PEBP4: variants seen among roughly 807,000 people sequenced by gnomAD.
PEBP4 encodes phosphatidylethanolamine-binding protein 4.
In PEBP4, 22 loss-of-function variants were observed where a neutral mutation model predicts 23.9. That is an observed-to-expected ratio of 0.92 (90% CI 0.66 to 1.31). PEBP4 has a LOEUF of 1.31. Among genes scored for constraint, PEBP4 ranks in the 40% most tolerant of loss-of-function variants. The pLI, the probability that PEBP4 is intolerant of heterozygous loss-of-function variation, is 0.00. For missense variants in PEBP4, 324 were observed against 281.7 expected (o/e 1.15, Z -1.07); for synonymous variants, 112 against 99.3 (o/e 1.13, Z -0.76).
At chr8:22,903,370 C>T (rs1350658705) in intron 3 of PEBP4, among the ~76,000 whole-genome samples, 1 of 152,156 alleles carries the variant, frequency 6.6e-6, no homozygotes, top group East Asian at 1.9e-4. Context: ...TTCTAAAGCA[C>T]TTAGAACAGT....
chr8:22,822,357 G>GTGTGTGTGTGTGTGTGTGTGTGTA (rs1348290100), intron 3 of PEBP4, among the ~76,000 whole-genome samples: 2 of 147,842 alleles, frequency 1.4e-5, no homozygotes, highest in African/African-American at 5.2e-5. Context: ...ATACTAAAGT[G>GTGTGTGTGTGTGTGTGTGTGTGTA]TGTGTGTGTG....
chr8:22,751,526 G>A (rs942721069), intron 4 of PEBP4, among the ~76,000 whole-genome samples: 1 of 151,866 alleles, frequency 6.6e-6, no homozygotes. Flanking sequence ...AGATAGAGAG[G>A]CCCCAAATCA....
chr8:22,758,904 G>A (rs1280763885), intron 4 of PEBP4, among the ~76,000 whole-genome samples: 2 of 152,128 alleles, frequency 1.3e-5, no homozygotes, highest in African/African-American at 2.4e-5. Context: ...ATGACAGAAA[G>A]AGGAGTGAAG....
chr8:22,766,663 C>T (rs181087410), intron 4 of PEBP4, among the ~76,000 whole-genome samples: 48 of 152,282 alleles, frequency 3.2e-4, no homozygotes, highest in Admixed American at 1.2e-3. Context: ...GGCATGCTGG[C>T]GTATCAGGGG....
chr8:22,911,351 A>AGCT (rs753748613), intron 3 of PEBP4, among the ~76,000 whole-genome samples: 45 of 152,048 alleles, frequency 3.0e-4, no homozygotes, highest in Non-Finnish European at 5.9e-4. Context: ...AGCCCCCAGC[A>AGCT]GCTGCTGCAG....
At chr8:22,774,886 C>G (rs1402641557) in intron 4 of PEBP4, among the ~76,000 whole-genome samples, 1 of 152,164 alleles carries the variant, frequency 6.6e-6, no homozygotes, top group Non-Finnish European at 1.5e-5. Context: ...TCTTCTCGGT[C>G]TGTTTCATCC....
At chr8:22,765,501 G>A (rs1224501625) in intron 4 of PEBP4, among the ~76,000 whole-genome samples, 1 of 152,126 alleles carries the variant, frequency 6.6e-6, no homozygotes, top group East Asian at 1.9e-4. Context: ...TCCCTCATGA[G>A]CCCATGCCTG....
chr8:22,819,136 GCAGACA>G (rs1182752950), intron 3 of PEBP4, among the ~76,000 whole-genome samples: 1 of 151,806 alleles, frequency 6.6e-6, no homozygotes, highest in Non-Finnish European at 1.5e-5. Flanking sequence ...AATCAGTAGA[GCAGACA>G]CAGAGAAGAA....
chr8:22,896,685 G>A (rs1808596055), intron 3 of PEBP4, among the ~76,000 whole-genome samples: 1 of 152,120 alleles, frequency 6.6e-6, no homozygotes, highest in African/African-American at 2.4e-5. Flanking sequence ...TCAGCCCTTG[G>A]TAGAAACAGC....
chr8:22,898,391 C>CAAAAAAAAAAAAAAAAAA (rs536993520), intron 3 of PEBP4, among the ~76,000 whole-genome samples: 3 of 7,972 alleles, frequency 3.8e-4, no homozygotes, highest in Admixed American at 1.5e-3. Flanking sequence ...GACTCCACCC[C>CAAAAAAAAAAAAAAAAAA]AAAAAAAAAA....
chr8:22,792,418 C>T (rs755171945), intron 4 of PEBP4, among the ~76,000 whole-genome samples: 3 of 152,028 alleles, frequency 2.0e-5, no homozygotes, highest in Non-Finnish European at 2.9e-5. Flanking sequence ...TTGGTGGGCC[C>T]CCTGCTTTGT....
At chr8:22,911,003 G>A (rs140528279) in intron 3 of PEBP4, among the ~76,000 whole-genome samples, 3 of 152,092 alleles carry the variant, frequency 2.0e-5, no homozygotes, top group Non-Finnish European at 2.9e-5. Flanking sequence ...CCGCTCTGGT[G>A]GGGGGAGCTG....
At chr8:22,888,156 T>G (rs1408424562) in intron 3 of PEBP4, 7 of 43,202 alleles carry the variant, frequency 1.6e-4, no homozygotes, top group Non-Finnish European at 1.2e-4. Context: ...CACCCACTTC[T>G]TTTTTTTTTT....
At position 22,836,009 on chromosome 8, in the gene PEBP4, C is replaced by T. The variant is rs184383397; in HGVS notation, c.259-18274G>A. Reference sequence around the variant, plus strand: ...ATGCAGGGAAAATCATCTAAACAGACATTATTATTCTGAGTCTATAAATGG... The same window carrying T: ...ATGCAGGGAAAATCATCTAAACAGATATTATTATTCTGAGTCTATAAATGG... On this transcript the variant is annotated intron_variant, in intron 3 of 6. Transcript: ENST00000256404. Among the ~76,000 whole-genome samples the T allele has an allele frequency of 2.6e-4, 39 of 152,326 alleles. 1 individual carries two copies. In the East Asian group the frequency reaches 5.2e-3, roughly 20 times the overall value.
intron 4 of PEBP4, among the ~76,000 whole-genome samples, chr8:22,777,663 G>C (rs1381877192): frequency 6.6e-6 from 1 of 152,162 alleles, no homozygotes; most frequent in Non-Finnish European, 1.5e-5. Context: ...CCAGAGCCGG[G>C]GGTGGTGGCT....
chr8:22,908,710 T>C (rs773282096), intron 3 of PEBP4, among the ~76,000 whole-genome samples: 2 of 152,192 alleles, frequency 1.3e-5, no homozygotes, highest in Admixed American at 6.5e-5. Context: ...ACAATTCATG[T>C]TCCTGCTAGG....
intron 4 of PEBP4, among the ~76,000 whole-genome samples, chr8:22,796,211 T>C (rs899492889): frequency 3.9e-5 from 6 of 152,168 alleles, no homozygotes; most frequent in African/African-American, 1.4e-4. Context: ...TATCAGACTC[T>C]TGAACCTATA....
chr8:22,752,754 A>G (rs990315463), intron 4 of PEBP4, among the ~76,000 whole-genome samples: 1 of 152,198 alleles, frequency 6.6e-6, no homozygotes, highest in Non-Finnish European at 1.5e-5. Flanking sequence ...TATTCTGGAG[A>G]GGCAGGATTC....
chr8:22,724,878 A>G lies in PEBP4; in HGVS notation c.482T>C (p.Val161Ala). ...QFFVYLQEGKVISLLPKENKT... is the reference protein window; with the variant it reads ...QFFVYLQEGKAISLLPKENKT... Reference sequence around the variant, plus strand: ...GTTTTCCTTGGGAAGGAGAGAGATGACTTTTCCTTCCTGAAGATAGACAAA... The same window carrying G: ...GTTTTCCTTGGGAAGGAGAGAGATGGCTTTTCCTTCCTGAAGATAGACAAA... The change falls in exon 6 of 7, where the codon GTC (valine) becomes GCC (alanine). Residue 161 changes from valine to alanine, a missense_variant. Coordinates refer to ENST00000256404, the MANE Select transcript of PEBP4 (RefSeq NM_144962.3). 4 of 1,614,038 alleles carry G rather than the reference A, an allele frequency of 2.5e-6. No individual in the cohort carries two copies. Among genetic ancestry groups the G allele is most frequent in the Middle Eastern group, 1.7e-4 (1 of 6,030 alleles).
Sources: allele counts gnomAD v4.1 joint callset (sites outside exome capture counted in the v4.1 genomes callset), GRCh38; gene constraint gnomAD v4.1.1; transcripts MANE v1.5; gene names NCBI Gene and HGNC (gene_info 2026-07-23, HGNC 2026-07-21).